The following WWC1 variants were observed in gnomAD, a reference collection of about 807,000 sequenced individuals.
WWC1 encodes the protein protein KIBRA.
WWC1 carries 55 observed loss-of-function variants against 138.4 expected under a neutral mutation model. The ratio of observed to expected loss-of-function variants is 0.40; its 90% CI spans 0.32 to 0.50. The LOEUF is 0.50. Among genes scored for constraint, WWC1 ranks in the 20% least tolerant of loss-of-function variants. The pLI is 0.72. For missense variants in WWC1, 1,226 were observed against 1,420.4 expected (o/e 0.86, Z 2.20); for synonymous variants, 524 against 564.9 (o/e 0.93, Z 1.03).
intron 3 of WWC1, among the ~76,000 whole-genome samples, chr5:168,394,794 G>A (rs932328452): frequency 6.6e-6 from 1 of 152,172 alleles, no homozygotes; most frequent in Admixed American, 6.5e-5. Flanking sequence ...AGAGGCTGAT[G>A]ACCTGTTTTC....
At chr5:168,355,976 G>T (rs187463618) in intron 1 of WWC1, among the ~76,000 whole-genome samples, 7 of 152,102 alleles carry the variant, frequency 4.6e-5, no homozygotes, top group East Asian at 1.9e-4. Context: ...ATTCTCTTGG[G>T]GGGGCTGTGA....
chr5:168,339,861 C>CTCTCTT (rs1773849251), intron 1 of WWC1, among the ~76,000 whole-genome samples: 1 of 129,910 alleles, frequency 7.7e-6, no homozygotes, highest in African/African-American at 3.6e-5. Flanking sequence ...TTCTCTCTTT[C>CTCTCTT]TCTCTCTCTC....
intron 1 of WWC1, among the ~76,000 whole-genome samples, chr5:168,358,786 A>G (rs1775653733): frequency 6.7e-6 from 1 of 149,982 alleles, no homozygotes; most frequent in Non-Finnish European, 1.5e-5. Context: ...TGACACGCAT[A>G]TATATATATA....
intron 19 of WWC1, among the ~76,000 whole-genome samples, chr5:168,458,395 C>G (rs574760298): frequency 3.3e-5 from 5 of 152,294 alleles, no homozygotes; most frequent in African/African-American, 1.2e-4. Flanking sequence ...CGGGTCTGAT[C>G]GTGAGTAGCC....
chr5:168,454,144 A>G, intron 18 of WWC1, 44 bp downstream of exon 18: 1 of 1,596,744 alleles, frequency 6.3e-7, no homozygotes, highest in Non-Finnish European at 8.5e-7. Flanking sequence ...TGGGGAAGGA[A>G]CCTTCAATCC....
At chr5:168,386,267 G>A (rs1778037364) in intron 3 of WWC1, among the ~76,000 whole-genome samples, 1 of 151,474 alleles carries the variant, frequency 6.6e-6, no homozygotes, top group Non-Finnish European at 1.5e-5. Flanking sequence ...ACATCTGCTT[G>A]TATGTTATCA....
intron 2 of WWC1, among the ~76,000 whole-genome samples, chr5:168,374,763 G>A (rs560498135): frequency 6.6e-6 from 1 of 152,322 alleles, no homozygotes; most frequent in East Asian, 1.9e-4. Context: ...TAGGGCAAGG[G>A]TGGAGGCAAG....
At position 168,319,745 on chromosome 5, in the gene WWC1, G is replaced by A. The variant is rs569864443; in HGVS notation, c.119+27474G>A. Among the ~76,000 whole-genome samples, 21 of 152,200 alleles carry A rather than the reference G, an allele frequency of 1.4e-4. No individual in the cohort carries two copies. In the South Asian group the frequency reaches 2.7e-3, roughly 20 times the overall value. Reference sequence around the variant, plus strand: ...TGAACTCCTGAGTTCAAAGCAGTCCGCCCACCTTGGCCTCCCATAGTGTTG... The same window carrying A: ...TGAACTCCTGAGTTCAAAGCAGTCCACCCACCTTGGCCTCCCATAGTGTTG... On this transcript the variant is annotated intron_variant, in intron 1 of 22. Transcript: ENST00000265293.
chr5:168,454,136 G>A, intron 18 of WWC1, 36 bp downstream of exon 18: 1 of 1,600,738 alleles, frequency 6.2e-7, no homozygotes, highest in Non-Finnish European at 8.5e-7. Flanking sequence ...GGCTGTCGTG[G>A]GGAAGGAACC....
chr5:168,449,949 C>G (rs1339707074), intron 17 of WWC1, among the ~76,000 whole-genome samples: 2 of 152,202 alleles, frequency 1.3e-5, no homozygotes, highest in Non-Finnish European at 2.9e-5. Flanking sequence ...CAGCCGCAGT[C>G]CTCATCTAAG....
At chr5:168,426,568 G>T (rs17775883) in intron 11 of WWC1, among the ~76,000 whole-genome samples, 1 of 152,212 alleles carries the variant, frequency 6.6e-6, no homozygotes, top group Non-Finnish European at 1.5e-5. Flanking sequence ...GATTAGTGCC[G>T]CTGTTCAGTC....
At chr5:168,410,898 C>T (rs1189853803) in intron 8 of WWC1, among the ~76,000 whole-genome samples, 1 of 149,742 alleles carries the variant, frequency 6.7e-6, no homozygotes, top group Non-Finnish European at 1.5e-5. Context: ...AATTTGAATC[C>T]TGGACAATCT....
At chr5:168,376,032 A>T (rs548949111) in intron 2 of WWC1, among the ~76,000 whole-genome samples, 2 of 151,416 alleles carry the variant, frequency 1.3e-5, no homozygotes, top group Non-Finnish European at 2.9e-5. Context: ...TATCTAAGGG[A>T]TGCTATATAA....
chr5:168,309,429 C>A (rs116368911), intron 1 of WWC1, among the ~76,000 whole-genome samples: 1 of 152,132 alleles, frequency 6.6e-6, no homozygotes, highest in East Asian at 1.9e-4. Context: ...GGCATGGTTC[C>A]CATGCTTAAG....
intron 4 of WWC1, among the ~76,000 whole-genome samples, chr5:168,399,272 A>G (rs1409976961): frequency 6.6e-6 from 1 of 152,188 alleles, no homozygotes; most frequent in African/African-American, 2.4e-5. Context: ...ACCTACAGAA[A>G]CACTGCCTGG....
intron 9 of WWC1, among the ~76,000 whole-genome samples, chr5:168,421,061 G>A (rs1197627418): frequency 6.6e-6 from 1 of 152,076 alleles, no homozygotes; most frequent in Non-Finnish European, 1.5e-5. Flanking sequence ...TCATACAACG[G>A]GTTTATTTTT....
intron 1 of WWC1, among the ~76,000 whole-genome samples, chr5:168,368,490 A>G (rs527319546): frequency 6.6e-6 from 1 of 152,158 alleles, no homozygotes; most frequent in Non-Finnish European, 1.5e-5. Context: ...CTGGGTTGCA[A>G]ACTGTCTATA....
intron 1 of WWC1, among the ~76,000 whole-genome samples, chr5:168,318,887 T>C (rs2152756261): frequency 6.6e-6 from 1 of 152,306 alleles, no homozygotes; most frequent in South Asian, 2.1e-4. Flanking sequence ...CTTAGCATAA[T>C]GTTCTCAAGG....
intron 1 of WWC1, among the ~76,000 whole-genome samples, chr5:168,313,914 G>A (rs989443253): frequency 3.3e-5 from 5 of 152,222 alleles, no homozygotes; most frequent in East Asian, 3.8e-4. Flanking sequence ...GCCGGGTGGG[G>A]CGATGGAGCT....
Sources: allele counts gnomAD v4.1 joint callset (sites outside exome capture counted in the v4.1 genomes callset), GRCh38; gene constraint gnomAD v4.1.1; transcripts MANE v1.5; gene names NCBI Gene and HGNC (gene_info 2026-07-23, HGNC 2026-07-21).